EXOC6: variants seen among roughly 807,000 people sequenced by gnomAD.
EXOC6 encodes SEC15-like 1.
Under a neutral mutation model 112.5 loss-of-function variants are expected in EXOC6, and 60 were observed. The ratio of observed to expected loss-of-function variants is 0.53; its 90% CI spans 0.43 to 0.66. EXOC6 has a LOEUF of 0.66. EXOC6 is among the 30% of genes least tolerant of loss of function. The probability of loss-of-function intolerance (pLI) is 0.00; values close to 1 mark genes in which losing one functional copy is unlikely to be tolerated. For missense variants in EXOC6, 855 were observed against 957.1 expected (o/e 0.89, Z 1.41); for synonymous variants, 295 against 308.0 (o/e 0.96, Z 0.44).
intron 1 of EXOC6, among the ~76,000 whole-genome samples, chr10:92,852,642 A>G (rs1266423255): frequency 6.6e-6 from 1 of 152,190 alleles, no homozygotes; most frequent in African/African-American, 2.4e-5. Flanking sequence ...AATCAATGTA[A>G]CATTGTTCAC....
rs773833892 is a variant in EXOC6 at position 92,955,717 on chromosome 10, A to G, written c.1773+3A>G. 6.2e-7 allele frequency: 1 copy of G among 1,602,414 alleles called. No homozygotes were observed. The highest frequency in any genetic ancestry group is 8.5e-7 in the Non-Finnish European group (1 of 1,176,512). ...TTTATGGACTTTCTACTTTCAAGGT[A>G]TGTAAAAATTTGACCAAAAGTTTTC... On this transcript the variant is annotated splice_donor_region_variant and intron_variant, in intron 17 of 21. Coordinates refer to ENST00000260762, the MANE Select transcript of EXOC6 (RefSeq NM_019053.6).
intron 20 of EXOC6, among the ~76,000 whole-genome samples, chr10:93,032,076 C>T (rs11486217): frequency 6.7e-6 from 1 of 149,610 alleles, no homozygotes; most frequent in African/African-American, 2.4e-5. Context: ...TTGATTTTTT[C>T]CCCCCTTAGC....
intron 17 of EXOC6, among the ~76,000 whole-genome samples, chr10:92,960,885 A>G (rs1222112598): frequency 6.6e-6 from 1 of 152,160 alleles, no homozygotes; most frequent in African/African-American, 2.4e-5. Context: ...TCAATATGGT[A>G]TTCCATGATA....
At chr10:93,030,800 A>T (rs1845235955) in intron 20 of EXOC6, among the ~76,000 whole-genome samples, 2 of 152,212 alleles carry the variant, frequency 1.3e-5, no homozygotes. Flanking sequence ...TAAAATGATC[A>T]AGATAGGTTC....
chr10:93,013,280 A>T (rs1199796949), intron 19 of EXOC6, among the ~76,000 whole-genome samples: 2 of 151,340 alleles, frequency 1.3e-5, no homozygotes, highest in African/African-American at 2.4e-5. Flanking sequence ...TCTCGTTGAG[A>T]TTTTTTTTTA....
At position 92,893,502 on chromosome 10, in the gene EXOC6, T is replaced by C. The variant is rs763032814; in HGVS notation, c.255T>C (p.Thr85=). The change falls in exon 2 of 22, where the codon ACT becomes ACC. Residue 85 remains threonine, a synonymous_variant. Coordinates refer to ENST00000260762, the MANE Select transcript of EXOC6 (RefSeq NM_019053.6). ...DAITELLKVR[T]DAEKLKVQVT... is the part of the protein sequence containing the mutation. ...TTACAGAACTCCTTAAAGTAAGGAC[T>C]GATGCAGAAAAACTGAAGGTAAGAA... 26 of 1,598,010 alleles carry C rather than the reference T, an allele frequency of 1.6e-5. No homozygotes were observed. The highest frequency in any genetic ancestry group is 2.1e-5 in the Non-Finnish European group (25 of 1,174,186).
At chr10:92,913,465 C>T (rs1850912262) in intron 6 of EXOC6, among the ~76,000 whole-genome samples, 1 of 152,218 alleles carries the variant, frequency 6.6e-6, no homozygotes, top group Non-Finnish European at 1.5e-5. Context: ...TCCTCAGTCT[C>T]ATCTTGATAC....
At chr10:93,014,914 T>G (rs958728430) in intron 20 of EXOC6, among the ~76,000 whole-genome samples, 1 of 152,188 alleles carries the variant, frequency 6.6e-6, no homozygotes, top group Non-Finnish European at 1.5e-5. Flanking sequence ...TTATTTTTTT[T>G]TATTCTTTTC....
chr10:92,905,028 GT>G (rs1850367350), intron 5 of EXOC6, among the ~76,000 whole-genome samples: 1 of 152,012 alleles, frequency 6.6e-6, no homozygotes, highest in African/African-American at 2.4e-5. Context: ...TGAATGTCCA[GT>G]TGTTCCAGCA....
chr10:92,975,257 G>A (rs1355789024), intron 18 of EXOC6, among the ~76,000 whole-genome samples: 2 of 134,752 alleles, frequency 1.5e-5, no homozygotes, highest in Non-Finnish European at 3.2e-5. Context: ...ACCCGGCCGC[G>A]ACCCCGTCTG....
intron 8 of EXOC6, among the ~76,000 whole-genome samples, chr10:92,924,704 T>C (rs947236669): frequency 3.9e-5 from 6 of 152,222 alleles, no homozygotes; most frequent in Middle Eastern, 3.2e-3. Flanking sequence ...TTAGTAGCTT[T>C]AGGGGTACAA....
upstream of EXOC6, chr10:92,848,503 CG>C (rs1564768327): frequency 2.3e-6 from 3 of 1,317,394 alleles, no homozygotes; most frequent in Middle Eastern, 2.1e-4. Flanking sequence ...CGCGGCGCCG[CG>C]CCTCGCTGGC....
At chr10:92,843,270 G>T (rs1238343760) in intron 1 of EXOC6, among the ~76,000 whole-genome samples, 1 of 152,120 alleles carries the variant, frequency 6.6e-6, no homozygotes, top group South Asian at 2.1e-4. Flanking sequence ...ACAGAGTGTG[G>T]CCACTTGGGG....
chr10:92,945,974 G>A (rs1003809474), intron 13 of EXOC6, among the ~76,000 whole-genome samples: 8 of 152,132 alleles, frequency 5.3e-5, no homozygotes, highest in Non-Finnish European at 1.0e-4. Flanking sequence ...TGTAGTCCCA[G>A]CTACTCAGGA....
chr10:92,967,130 G>C (rs1842101808), intron 17 of EXOC6, among the ~76,000 whole-genome samples: 1 of 151,616 alleles, frequency 6.6e-6, no homozygotes, highest in Middle Eastern at 3.4e-3. Flanking sequence ...ACTTTTTGAT[G>C]GGGTTGTTTG....
chr10:93,033,444 A>G (rs1214808121), intron 20 of EXOC6, among the ~76,000 whole-genome samples: 1 of 152,196 alleles, frequency 6.6e-6, no homozygotes, highest in East Asian at 1.9e-4. Context: ...TGTACAATTA[A>G]TGGTAGTTTA....
intron 6 of EXOC6, among the ~76,000 whole-genome samples, 169 bp from the exon 7 acceptor site, chr10:92,915,589 A>T (rs1208791265): frequency 5.1e-5 from 7 of 138,076 alleles, no homozygotes; most frequent in Non-Finnish European, 1.1e-4. Context: ...TTTTTTTTTA[A>T]AAAAAGGAAA....
intron 1 of EXOC6, among the ~76,000 whole-genome samples, chr10:92,864,818 C>G (rs1201007639): frequency 6.6e-6 from 1 of 152,118 alleles, no homozygotes; most frequent in Admixed American, 6.5e-5. Context: ...TTGACTTGGT[C>G]TGAATTATAC....
At chr10:93,044,074 G>A (rs1481755277) in intron 20 of EXOC6, among the ~76,000 whole-genome samples, 1 of 152,180 alleles carries the variant, frequency 6.6e-6, no homozygotes, top group Non-Finnish European at 1.5e-5. Context: ...TACATGATGT[G>A]AACTTCTGCC....
Sources: allele counts gnomAD v4.1 joint callset (sites outside exome capture counted in the v4.1 genomes callset), GRCh38; gene constraint gnomAD v4.1.1; transcripts MANE v1.5; gene names NCBI Gene and HGNC (gene_info 2026-07-23, HGNC 2026-07-21).